The following PREP variants were observed in gnomAD, a reference collection of about 807,000 sequenced individuals.
PREP encodes dJ355L5.1 (prolyl endopeptidase).
Under a neutral mutation model 87.6 loss-of-function variants are expected in PREP, and 29 were observed. The ratio of observed to expected loss-of-function variants is 0.33; its 90% CI spans 0.25 to 0.45. The LOEUF is 0.45. Among genes scored for constraint, PREP ranks in the 20% least tolerant of loss-of-function variants. The probability of loss-of-function intolerance (pLI) is 1.00; values close to 1 mark genes in which losing one functional copy is unlikely to be tolerated. For synonymous variants in PREP, 337 were observed against 328.6 expected (o/e 1.03, Z -0.28); for missense variants, 695 against 886.5 (o/e 0.78, Z 2.74).
At chr6:105,281,084 G>A (rs541914728) in intron 14 of PREP, 2 of 152,332 alleles carry the variant, frequency 1.3e-5, no homozygotes, top group South Asian at 4.2e-4. Context: ...TGGGTTCTCT[G>A]CTCTGGGTCT....
chr6:105,388,636 G>C (rs935244125), intron 2 of PREP, among the ~76,000 whole-genome samples: 2 of 152,200 alleles, frequency 1.3e-5, no homozygotes, highest in Non-Finnish European at 2.9e-5. Flanking sequence ...TGAGAAGTAT[G>C]TTTACAAACT....
At chr6:105,382,525 T>C (rs753205534) in intron 2 of PREP, among the ~76,000 whole-genome samples, 21 of 152,272 alleles carry the variant, frequency 1.4e-4, no homozygotes, top group Admixed American at 1.1e-3. Context: ...AAAAATACTG[T>C]TCACTTAAAA....
intron 7 of PREP, among the ~76,000 whole-genome samples, chr6:105,344,417 G>C (rs1771743797): frequency 6.6e-6 from 1 of 151,828 alleles, no homozygotes. Flanking sequence ...GCGTGAACCT[G>C]GGAGGTGGAG....
At chr6:105,355,084 G>C (rs544183782) in intron 6 of PREP, among the ~76,000 whole-genome samples, 1 of 146,448 alleles carries the variant, frequency 6.8e-6, no homozygotes, top group Non-Finnish European at 1.5e-5. Flanking sequence ...TATGGTGGTC[G>C]GGTTGTAGTT....
rs551922813 is a variant in PREP, at chr6:105,376,291, G to A, written c.255-36C>T. Reference sequence around the variant, plus strand: ...GAGATGGTCTTTATTCAGCTGTGGAGTTTTCTATTTGTGGAGTAAAACCAA... The same window carrying A: ...GAGATGGTCTTTATTCAGCTGTGGAATTTTCTATTTGTGGAGTAAAACCAA... On this transcript the variant is annotated intron_variant, in intron 3 of 14. Transcript: ENST00000652536. 27 of 1,594,378 alleles carry A rather than the reference G, an allele frequency of 1.7e-5. No individual in the cohort carries two copies. In the East Asian group the frequency reaches 3.6e-4, roughly 21 times the overall value.
chr6:105,288,693 T>A, intron 11 of PREP, 65 bp downstream of exon 11: 2 of 1,582,072 alleles, frequency 1.3e-6, no homozygotes, highest in Non-Finnish European at 1.7e-6. Context: ...AGTAGAGCAC[T>A]CTGGTTTGTT....
intron 6 of PREP, among the ~76,000 whole-genome samples, chr6:105,360,367 A>G (rs1006584420): frequency 2.6e-5 from 4 of 152,208 alleles, no homozygotes; most frequent in Admixed American, 2.6e-4. Context: ...TTACCCTGGC[A>G]TATTTTATGC....
Position 105,275,906 on chromosome 6 carries a change from A to G in PREP, c.*2238T>C, listed in dbSNP as rs1468706486. On this transcript the variant is annotated 3_prime_UTR_variant, in exon 15 of 15. Transcript: ENST00000652536. ...GCAGGCAGAGAAAGGGAGGATGAAGAGATTAATGCCTACAAATATACAGTT... is the reference window on the plus strand; with the variant it reads ...GCAGGCAGAGAAAGGGAGGATGAAGGGATTAATGCCTACAAATATACAGTT... Among the ~76,000 whole-genome samples, 1 of 152,250 alleles carries G rather than the reference A, an allele frequency of 6.6e-6. No homozygotes were observed. Among genetic ancestry groups the G allele is most frequent in the African/African-American group, 2.4e-5 (1 of 41,472 alleles).
intron 5 of PREP, among the ~76,000 whole-genome samples, 193 bp downstream of exon 5, chr6:105,373,176 A>G (rs1483302712): frequency 2.0e-5 from 3 of 152,216 alleles, no homozygotes; most frequent in Non-Finnish European, 4.4e-5. Context: ...TAGCAAAAAC[A>G]AATGTTTATT....
intron 6 of PREP, among the ~76,000 whole-genome samples, chr6:105,353,714 G>C (rs140766798): frequency 0.013 from 1,959 of 149,354 alleles, 16 homozygotes; most frequent in Middle Eastern, 0.021. Flanking sequence ...GGAGGTTGCA[G>C]TGAGCTGACA....
intron 6 of PREP, among the ~76,000 whole-genome samples, chr6:105,359,945 T>C (rs186303911): frequency 6.6e-6 from 1 of 152,276 alleles, no homozygotes; most frequent in Non-Finnish European, 1.5e-5. Context: ...ATCAAACTTC[T>C]AGCACACAAA....
chr6:105,382,077 T>C (rs1177329247), intron 2 of PREP, among the ~76,000 whole-genome samples: 5 of 151,990 alleles, frequency 3.3e-5, no homozygotes, highest in Non-Finnish European at 7.4e-5. Context: ...CCTCATGCTC[T>C]CACTTATATG....
rs112081809 is a variant in PREP at position 105,363,012 on chromosome 6, A to G, written c.717+5891T>C. ...AATTAACATTCACTGCATGCCTACT[A>G]TAAGTCAAGCATCAGGCAACACACT... is the stretch of plus-strand genomic sequence containing the variant. On this transcript the variant is annotated intron_variant, in intron 6 of 14. Transcript: ENST00000652536. Among the ~76,000 whole-genome samples the G allele has an allele frequency of 4.8e-3, 737 of 152,336 alleles. 2 individuals carry two copies. Among genetic ancestry groups the G allele is most frequent in the African/African-American group, 0.016 (681 of 41,580 alleles).
At chr6:105,345,662 G>A (rs1485853691) in intron 7 of PREP, among the ~76,000 whole-genome samples, 1 of 152,200 alleles carries the variant, frequency 6.6e-6, no homozygotes, top group Non-Finnish European at 1.5e-5. Flanking sequence ...GGGCGCATGG[G>A]CTGCTGTTGT....
chr6:105,387,922 C>T (rs1399261275), intron 2 of PREP, among the ~76,000 whole-genome samples: 2 of 152,102 alleles, frequency 1.3e-5, no homozygotes, highest in East Asian at 1.9e-4. Context: ...CTTATGACAC[C>T]GCATCCCCCT....
intron 2 of PREP, among the ~76,000 whole-genome samples, chr6:105,385,149 T>C (rs188641693): frequency 8.5e-5 from 13 of 152,224 alleles, no homozygotes; most frequent in Admixed American, 5.2e-4. Flanking sequence ...GCAAGTTCTC[T>C]ACAATAAAGG....
At chr6:105,380,295 T>C (rs908484634) in intron 2 of PREP, among the ~76,000 whole-genome samples, 16 of 151,714 alleles carry the variant, frequency 1.1e-4, no homozygotes, top group African/African-American at 3.9e-4. Flanking sequence ...ACTTGGCAGG[T>C]GTGAAGAAGA....
intron 2 of PREP, 79 bp from the exon 3 acceptor site, chr6:105,377,598 G>T: frequency 6.8e-7 from 1 of 1,467,152 alleles, no homozygotes; most frequent in Non-Finnish European, 9.4e-7. Flanking sequence ...ATATGTATCA[G>T]AAAAAGCACA....
intron 3 of PREP, 44 bp from the exon 4 acceptor site, chr6:105,376,299 T>C (rs772998067): frequency 2.5e-6 from 4 of 1,588,698 alleles, no homozygotes; most frequent in Non-Finnish European, 2.6e-6. Context: ...GAGTTTTCTA[T>C]TTGTGGAGTA....
Sources: gnomAD v4.1 joint callset for allele counts (sites outside exome capture counted in the v4.1 genomes callset) on GRCh38, gnomAD v4.1.1 for gene constraint, MANE v1.5 for transcripts, NCBI Gene and HGNC (gene_info 2026-07-23, HGNC 2026-07-21) for gene names.